The following NUCB1 variants were observed in gnomAD, a reference collection of about 807,000 sequenced individuals.
NUCB1 encodes nucleobindin 1.
A neutral mutation model predicts 61.2 loss-of-function variants in NUCB1; 47 were observed. That is an observed-to-expected ratio of 0.77 (90% CI 0.61 to 0.98). The LOEUF is 0.98. Ranked by LOEUF, NUCB1 falls within the 50% of genes least tolerant of loss-of-function variation. The pLI is 0.00. For missense variants in NUCB1, 583 were observed against 605.3 expected, an observed-to-expected ratio of 0.96 and a Z score of 0.39; for synonymous variants, 234 against 243.1, an observed-to-expected ratio of 0.96 and a Z score of 0.35.
At chr19:48,922,012 C>A (rs973239717) in intron 12 of NUCB1, 80 bp downstream of exon 12, 154 of 1,140,192 alleles carry the variant, frequency 1.4e-4, no homozygotes, top group Non-Finnish European at 1.7e-4. Context: ...GCCTGGACTC[C>A]CAGATCTGAG....
At chr19:48,918,830 A>C (rs2037571104) in intron 8 of NUCB1, 46 bp downstream of exon 8, 1 of 1,559,408 alleles carries the variant, frequency 6.4e-7, no homozygotes, top group East Asian at 2.2e-5. Context: ...CGCCCAAATC[A>C]GCCACTTGTT....
rs138861672 is a variant in NUCB1, at chr19:48,919,050, A to C, written c.837A>C (p.Pro279=). 2 of 1,613,914 alleles carry C rather than the reference A, an allele frequency of 1.2e-6. No homozygotes were observed. The highest frequency in any genetic ancestry group is 1.7e-6 in the Non-Finnish European group (2 of 1,180,004). ...TGCAGCTGGAGAAAGTGTACGACCCAAAGAATGAGGAGGACGACATGCGGG... is the reference window on the plus strand; with the variant it reads ...TGCAGCTGGAGAAAGTGTACGACCCCAAGAATGAGGAGGACGACATGCGGG... The part of the protein sequence containing the change: ...FTKELEKVYD[P]KNEEDDMREM... The change falls in exon 9 of 13, where the codon CCA becomes CCC. Residue 279 remains proline, a synonymous_variant. Coordinates refer to ENST00000405315, the MANE Select transcript of NUCB1 (RefSeq NM_006184.6).
At chr19:48,917,113 C>T (rs1490994331) in intron 7 of NUCB1, among the ~76,000 whole-genome samples, 1 of 151,958 alleles carries the variant, frequency 6.6e-6, no homozygotes, top group South Asian at 2.1e-4. Context: ...GTCCCAGCTA[C>T]TTGGGAGGCT....
In NUCB1 at chr19:48,913,119, G is replaced by A. The variant is rs1260082795; in HGVS notation, c.589G>A (p.Glu197Lys). 4.3e-6 allele frequency: 7 copies of A among 1,613,822 alleles called. No individual in the cohort carries two copies. In the Admixed American group the frequency reaches 5.0e-5, roughly 12 times the overall value. Reference sequence around the variant, plus strand: ...GCGTTATCTGGAGTCACTGGGAGAGGAGCAGAGAAAGGAGGCGGAGAGGAA... The same window carrying A: ...GCGTTATCTGGAGTCACTGGGAGAGAAGCAGAGAAAGGAGGCGGAGAGGAA... The part of the protein sequence containing the change: ...RRRYLESLGE[E>K]QRKEAERKLE... Residue 197 changes from glutamate to lysine, a missense_variant, in exon 6 of 13, where the codon GAG becomes AAG. Physicochemically the swap from Glu to Lys is moderately conservative, Grantham distance 56. Coordinates refer to ENST00000405315, the MANE Select transcript of NUCB1 (RefSeq NM_006184.6).
intron 10 of NUCB1, among the ~76,000 whole-genome samples, chr19:48,920,256 G>C (rs532626016): frequency 6.6e-6 from 1 of 151,824 alleles, no homozygotes; most frequent in East Asian, 1.9e-4. Context: ...TGATCCTCCT[G>C]CCTGAGCCTC....
intron 7 of NUCB1, among the ~76,000 whole-genome samples, chr19:48,915,128 A>G (rs1483568956): frequency 6.6e-6 from 1 of 152,052 alleles, no homozygotes; most frequent in East Asian, 1.9e-4. Flanking sequence ...AAATAAAGAT[A>G]CATCCCTATT....
chr19:48,922,465 G>T lies in NUCB1; in HGVS notation c.*41G>T. On this transcript the variant is annotated 3_prime_UTR_variant, in exon 13 of 13. Transcript: ENST00000405315. The stretch of plus-strand genomic sequence containing the variant: ...GCCCTCAGGATTCCTGATGCTCCAA[G>T]GCGACTGATGGGCGCTGGATGAAGT... 1 of 1,500,058 alleles carries T rather than the reference G, an allele frequency of 6.7e-7. No homozygotes were observed. The highest frequency in any genetic ancestry group is 1.1e-5 in the South Asian group (1 of 88,678). 92.9% of individuals were successfully genotyped at this position (1,500,058 alleles called of 1,614,324 possible). A position where few individuals can be genotyped will look rare whatever the true frequency, so the allele number is the denominator to read the frequency against.
At chr19:48,920,947 C>G (rs1295704592) in intron 10 of NUCB1, among the ~76,000 whole-genome samples, 1 of 151,982 alleles carries the variant, frequency 6.6e-6, no homozygotes, top group South Asian at 2.1e-4. Flanking sequence ...CTCCCAAAGT[C>G]CTGGGATTAC....
intron 7 of NUCB1, among the ~76,000 whole-genome samples, chr19:48,916,680 G>A (rs574734978): frequency 1.1e-4 from 17 of 152,070 alleles, no homozygotes; most frequent in African/African-American, 3.6e-4. Flanking sequence ...CACTTTCGGA[G>A]GCCAAGGCAG....
At chr19:48,913,831 G>GC in intron 7 of NUCB1, among the ~76,000 whole-genome samples, 1 of 152,306 alleles carries the variant, frequency 6.6e-6, no homozygotes, top group East Asian at 1.9e-4. Flanking sequence ...ACCAGGCTTG[G>GC]CTAGGCCTGG....
intron 2 of NUCB1, 40 bp downstream of exon 2, chr19:48,900,971 G>T (rs779542370): frequency 6.2e-7 from 1 of 1,612,786 alleles, no homozygotes; most frequent in East Asian, 2.2e-5. Context: ...GGTGTTTGCA[G>T]TGGTACTACA....
chr19:48,905,768 C>G lies in NUCB1; in HGVS notation c.259C>G (p.Arg87Gly), dbSNP rs1406294634. 1 of 1,614,050 alleles carries G rather than the reference C, an allele frequency of 6.2e-7. No individual in the cohort carries two copies. The highest frequency in any genetic ancestry group is 8.5e-7 in the Non-Finnish European group (1 of 1,180,036). ...CTCCTGTCAGAGCGGGAAGCTGAGC[C>G]GAGAGCTGGACTTTGTCAGCCACCA... ...AEDIKSGKLS[R>G]ELDFVSHHVR... Residue 87 changes from arginine to glycine, a missense_variant, in exon 4 of 13, where the codon CGA becomes GGA. Coordinates refer to ENST00000405315, the MANE Select transcript of NUCB1 (RefSeq NM_006184.6).
intron 7 of NUCB1, among the ~76,000 whole-genome samples, chr19:48,916,031 G>A (rs530540072): frequency 4.6e-5 from 7 of 151,934 alleles, no homozygotes; most frequent in Admixed American, 1.3e-4. Flanking sequence ...TCTTCATCTC[G>A]CACAACCGAA....
At chr19:48,916,170 TCG>T (rs1491285632) in intron 7 of NUCB1, among the ~76,000 whole-genome samples, 6 of 137,066 alleles carry the variant, frequency 4.4e-5, no homozygotes, top group South Asian at 4.3e-4. Context: ...TTGGTATTTG[TCG>T]TGTGTGTGTG....
At chr19:48,905,929 G>GC in intron 4 of NUCB1, 44 bp downstream of exon 4, 1 of 965,754 alleles carries the variant, frequency 1.0e-6, no homozygotes. Flanking sequence ...GAGGGGTGGG[G>GC]AAGGGTGGCC....
At chr19:48,917,105 C>T (rs1320172193) in intron 7 of NUCB1, among the ~76,000 whole-genome samples, 5 of 151,768 alleles carry the variant, frequency 3.3e-5, no homozygotes, top group African/African-American at 1.2e-4. Flanking sequence ...CATCTGTAGT[C>T]CCAGCTACTT....
At chr19:48,919,324 C>G (rs1210747813) in intron 10 of NUCB1, 38 bp downstream of exon 10, 2 of 1,485,634 alleles carry the variant, frequency 1.3e-6, no homozygotes, top group Admixed American at 1.7e-5. Context: ...CTGAACCTCT[C>G]TCTCTTCTAG....
At position 48,922,576 on chromosome 19, in the gene NUCB1, C is replaced by A. The variant is rs1429319602; in HGVS notation, c.*152C>A. Reference sequence around the variant, plus strand: ...CTGGCATTTCACGCATTGCTGCCACCCCAGGTCCACCTGTCTCCACTTTCA... The same window carrying A: ...CTGGCATTTCACGCATTGCTGCCACACCAGGTCCACCTGTCTCCACTTTCA... On this transcript the variant is annotated 3_prime_UTR_variant, in exon 13 of 13. Coordinates refer to ENST00000405315, the MANE Select transcript of NUCB1 (RefSeq NM_006184.6). The A allele has an allele frequency of 1.6e-5, 10 of 627,310 alleles. No individual in the cohort carries two copies. The highest frequency in any genetic ancestry group is 1.4e-5 in the Non-Finnish European group (5 of 350,496). 38.9% of individuals were successfully genotyped at this position (627,310 alleles called of 1,614,324 possible). A position where few individuals can be genotyped will look rare whatever the true frequency, so the allele number is the denominator to read the frequency against.
intron 11 of NUCB1, 88 bp from the exon 12 acceptor site, chr19:48,921,739 G>A: frequency 7.9e-7 from 1 of 1,269,196 alleles, no homozygotes; most frequent in Non-Finnish European, 1.1e-6. Context: ...GCAGGCTGCT[G>A]TGAAGTCTCC....
Sources: gnomAD v4.1 joint callset for allele counts (sites outside exome capture counted in the v4.1 genomes callset) on GRCh38, gnomAD v4.1.1 for gene constraint, MANE v1.5 for transcripts, NCBI Gene and HGNC (gene_info 2026-07-23, HGNC 2026-07-21) for gene names.